SMG6: variants seen among roughly 807,000 people sequenced by gnomAD.
The protein encoded by SMG6 is telomerase-binding protein EST1A.
A neutral mutation model predicts 142.2 loss-of-function variants in SMG6; 66 were observed. The ratio of observed to expected loss-of-function variants is 0.46; its 90% CI spans 0.38 to 0.57. The LOEUF (loss-of-function observed/expected upper bound fraction) is 0.57. SMG6 is among the 20% of genes least tolerant of loss of function. SMG6 has a pLI of 0.00. For missense variants in SMG6, 1,793 were observed against 1,832.0 expected (o/e 0.98, Z 0.39); for synonymous variants, 779 against 702.4 (o/e 1.11, Z -1.72).
intron 8 of SMG6, among the ~76,000 whole-genome samples, chr17:2,274,184 C>T (rs973176762): frequency 6.6e-6 from 1 of 152,192 alleles, no homozygotes; most frequent in South Asian, 2.1e-4. Flanking sequence ...CAACAAAGAA[C>T]ATATGCCCTA....
At chr17:2,173,184 A>G (rs1597519774) in intron 12 of SMG6, 1 of 347,532 alleles carries the variant, frequency 2.9e-6, no homozygotes, top group Non-Finnish European at 5.5e-6. Flanking sequence ...CGCTTACTCA[A>G]ACACTCTAGA....
In SMG6 at chr17:2,282,840, T is replaced by C. The variant is rs1021053689; in HGVS notation, c.2468A>G (p.Lys823Arg). The C allele has an allele frequency of 9.3e-6, 15 of 1,614,064 alleles. No individual in the cohort carries two copies. Among genetic ancestry groups the C allele is most frequent in the Admixed American group, 1.7e-5 (1 of 59,992 alleles). The change falls in exon 8 of 19, where the codon AAG becomes AGG. Residue 823 changes from lysine (K) to arginine (R), a missense_variant. Physicochemically the swap from Lys to Arg is conservative, Grantham distance 26 (BLOSUM62 2). Coordinates refer to ENST00000263073, the MANE Select transcript of SMG6 (RefSeq NM_017575.5). Reference sequence around the variant, plus strand: ...GCTCAGGTCAAATTCCTCATGTTGCTTCTTTTCCATCTGTTCTGCCTATAT... The same window carrying C: ...GCTCAGGTCAAATTCCTCATGTTGCCTCTTTTCCATCTGTTCTGCCTATAT... ...TKRKAEQMEKKQHEEFDLSPD... is the reference protein window; with the variant it reads ...TKRKAEQMEKRQHEEFDLSPD...
intron 13 of SMG6, among the ~76,000 whole-genome samples, chr17:2,100,941 A>G (rs555993122): frequency 1.1e-4 from 17 of 151,728 alleles, no homozygotes; most frequent in Non-Finnish European, 2.2e-4. Context: ...TGTGGGCCAC[A>G]GCACCTGGCC....
intron 4 of SMG6, among the ~76,000 whole-genome samples, chr17:2,295,050 T>C (rs1350798980): frequency 6.6e-6 from 1 of 152,114 alleles, no homozygotes; most frequent in East Asian, 1.9e-4. Context: ...CTAATTTTTG[T>C]ATTTTTAGTA....
intron 10 of SMG6, among the ~76,000 whole-genome samples, chr17:2,232,180 T>C (rs1210860667): frequency 4.6e-5 from 7 of 152,074 alleles, no homozygotes; most frequent in African/African-American, 1.4e-4. Flanking sequence ...CCTACCACAA[T>C]GCTGCTTCAA....
chr17:2,186,682 A>G lies in SMG6; in HGVS notation c.3136T>C (p.Ser1046Pro), dbSNP rs1413747147. ...YPDTWNPPPT[S>P]LDLPSHVAVD... ...ACTCACTGCGAGGGCAGATCCAGGG[A>G]TGTGGGAGGAGGATTCCAGGTGTCC... The change falls in exon 12 of 19, where the codon TCC becomes CCC. Residue 1046 changes from serine (S) to proline (P), a missense_variant. Ser to Pro is a moderately conservative substitution (Grantham distance 74). This residue lies in a region of SMG6 where 1,597 missense variants were observed against 1,584.6 expected (regional missense o/e 1.01). Transcript: ENST00000263073. The G allele has an allele frequency of 1.2e-6, 2 of 1,614,100 alleles. No individual in the cohort carries two copies. Among genetic ancestry groups the G allele is most frequent in the African/African-American group, 2.7e-5 (2 of 74,940 alleles).
At chr17:2,297,579 C>A (rs980092269) in intron 3 of SMG6, among the ~76,000 whole-genome samples, 1 of 151,882 alleles carries the variant, frequency 6.6e-6, no homozygotes, top group African/African-American at 2.4e-5. Context: ...CACACACACA[C>A]ACACACACGC....
At chr17:2,175,654 C>A (rs1486422825) in intron 12 of SMG6, among the ~76,000 whole-genome samples, 2 of 152,050 alleles carry the variant, frequency 1.3e-5, no homozygotes, top group African/African-American at 4.8e-5. Context: ...ATAAGGTGGA[C>A]GAGAATCCCT....
intron 13 of SMG6, among the ~76,000 whole-genome samples, chr17:2,124,613 TTTAC>T (rs1324543469): frequency 6.6e-6 from 1 of 152,048 alleles, no homozygotes; most frequent in African/African-American, 2.4e-5. Context: ...GACTCCCTAT[TTTAC>T]TTAGTCAGGT....
chr17:2,276,534 G>T (rs1254238097), intron 8 of SMG6, among the ~76,000 whole-genome samples: 1 of 151,944 alleles, frequency 6.6e-6, no homozygotes, highest in East Asian at 1.9e-4. Context: ...ACAGGCATAC[G>T]TCATCACACC....
chr17:2,074,661 GC>G (rs1387497208), intron 15 of SMG6, among the ~76,000 whole-genome samples: 1 of 152,224 alleles, frequency 6.6e-6, no homozygotes, highest in Non-Finnish European at 1.5e-5. Context: ...AAGGAGAACT[GC>G]CTACTTTTCT....
chr17:2,292,860 G>A lies in SMG6; in HGVS notation c.2258+11C>T, dbSNP rs1392318350. 6.2e-7 allele frequency: 1 copy of A among 1,608,316 alleles called. No homozygotes were observed. The highest frequency in any genetic ancestry group is 8.5e-7 in the Non-Finnish European group (1 of 1,174,706). On this transcript the variant is annotated intron_variant, in intron 5 of 18. Transcript: ENST00000263073. ...TAGGGAAGAGAAATAACGAAGCAGA[G>A]GTAAAAGTACCTGCGTGCTTTCCCA...
At chr17:2,141,308 G>GA (rs1382943122) in intron 13 of SMG6, among the ~76,000 whole-genome samples, 1 of 152,158 alleles carries the variant, frequency 6.6e-6, no homozygotes, top group Non-Finnish European at 1.5e-5. Flanking sequence ...TTAGAGAAAA[G>GA]AAAACGTAAA....
At chr17:2,161,416 ATTTTT>A (rs1044787889) in intron 13 of SMG6, among the ~76,000 whole-genome samples, 1 of 146,444 alleles carries the variant, frequency 6.8e-6, no homozygotes, top group Non-Finnish European at 1.5e-5. Flanking sequence ...TTATTTATTT[ATTTTT>A]TTTTTTGAGA....
At chr17:2,077,151 C>A (rs1290376967) in intron 15 of SMG6, among the ~76,000 whole-genome samples, 1 of 152,204 alleles carries the variant, frequency 6.6e-6, no homozygotes, top group Non-Finnish European at 1.5e-5. Flanking sequence ...ACTGTACACT[C>A]TGGAATGTGA....
At chr17:2,156,191 A>G (rs1217536201) in intron 13 of SMG6, among the ~76,000 whole-genome samples, 1 of 151,236 alleles carries the variant, frequency 6.6e-6, no homozygotes, top group Non-Finnish European at 1.5e-5. Context: ...GGAGTTCGAG[A>G]CCATCCTGGG....
intron 8 of SMG6, among the ~76,000 whole-genome samples, chr17:2,257,622 A>G (rs2074213570): frequency 6.6e-6 from 1 of 151,756 alleles, no homozygotes; most frequent in Non-Finnish European, 1.5e-5. Flanking sequence ...ATATAATCTT[A>G]CTCCACTACC....
intron 10 of SMG6, among the ~76,000 whole-genome samples, chr17:2,190,000 T>A (rs2072110147): frequency 6.6e-6 from 1 of 152,164 alleles, no homozygotes. Flanking sequence ...GTCTCACTCC[T>A]GTCCTGTTAA....
At chr17:2,152,771 G>A (rs938476345) in intron 13 of SMG6, among the ~76,000 whole-genome samples, 18 of 152,162 alleles carry the variant, frequency 1.2e-4, no homozygotes, top group African/African-American at 2.7e-4. Flanking sequence ...GGTCTCTAGC[G>A]AAGTTAAACA....
Sources: allele counts gnomAD v4.1 joint callset (sites outside exome capture counted in the v4.1 genomes callset), GRCh38; gene constraint gnomAD v4.1.1; regional missense constraint gnomAD v4.1.1; transcripts MANE v1.5; gene names NCBI Gene and HGNC (gene_info 2026-07-23, HGNC 2026-07-21).